OR7C1: variants seen among roughly 807,000 people sequenced by gnomAD.
OR7C1 encodes the protein olfactory receptor family 7 subfamily C member 1.
For missense variants in OR7C1, 324 were observed against 383.3 expected, an observed-to-expected ratio of 0.85 and a Z score of 1.29; for synonymous variants, 152 against 160.7, an observed-to-expected ratio of 0.95 and a Z score of 0.41.
intron 1 of OR7C1, among the ~76,000 whole-genome samples, chr19:14,834,589 G>A (rs916446341): frequency 6.6e-6 from 1 of 152,064 alleles, no homozygotes; most frequent in Non-Finnish European, 1.5e-5. Flanking sequence ...CAAAATATAC[G>A]CATTATGAAC....
intron 1 of OR7C1, chr19:14,826,793 A>C (rs1480054628): frequency 1.3e-5 from 2 of 152,814 alleles, no homozygotes; most frequent in Non-Finnish European, 2.9e-5. Flanking sequence ...TGATGTCCTA[A>C]TGAGGACAAC....
At chr19:14,800,820 C>T (rs1012380672) in intron 2 of OR7C1, 56 bp from the exon 3 acceptor site, 3 of 152,236 alleles carry the variant, frequency 2.0e-5, no homozygotes, top group African/African-American at 7.2e-5. Flanking sequence ...CTTCCCTGAG[C>T]ACTATGAAAA....
exon 4 of OR7C1, chr19:14,800,393 G>C (rs896721911): frequency 2.5e-6 from 1 of 405,398 alleles, no homozygotes; most frequent in Non-Finnish European, 4.4e-6. Context: ...TGTTGTCCAT[G>C]AACCAACAAG....
At chr19:14,831,388 G>T (rs1320945536) in intron 1 of OR7C1, among the ~76,000 whole-genome samples, 2 of 152,070 alleles carry the variant, frequency 1.3e-5, no homozygotes, top group East Asian at 3.9e-4. Context: ...AGTGGATGAA[G>T]CAGTCCCTTT....
chr19:14,834,728 C>T (rs1408789246), intron 1 of OR7C1, among the ~76,000 whole-genome samples: 1 of 152,142 alleles, frequency 6.6e-6, no homozygotes, highest in African/African-American at 2.4e-5. Context: ...GTATATCCCT[C>T]CACAGCCAAT....
intron 1 of OR7C1, among the ~76,000 whole-genome samples, chr19:14,819,889 ATTTAT>A (rs2044732973): frequency 6.6e-6 from 1 of 151,954 alleles, no homozygotes; most frequent in Admixed American, 6.6e-5. Flanking sequence ...TTCTTTGATC[ATTTAT>A]TTTATTTTTA....
chr19:14,805,604 C>T (rs2044663017), intron 2 of OR7C1, among the ~76,000 whole-genome samples: 1 of 151,354 alleles, frequency 6.6e-6, no homozygotes, highest in Non-Finnish European at 1.5e-5. Flanking sequence ...TTAGTAGAGA[C>T]AGAGTTTTGC....
At chr19:14,799,276 G>C in exon 5 of OR7C1, 5 of 1,614,122 alleles carry the variant, frequency 3.1e-6, no homozygotes, top group Non-Finnish European at 4.2e-6. Context: ...TGTAGATGAA[G>C]GGGTTCAGCA....
At chr19:14,815,127 C>A (rs1375072793) in intron 1 of OR7C1, among the ~76,000 whole-genome samples, 1 of 152,194 alleles carries the variant, frequency 6.6e-6, no homozygotes, top group Admixed American at 6.5e-5. Context: ...TGACCCCCAG[C>A]CCCTATTCCA....
chr19:14,814,352 A>G (rs1203767984), intron 1 of OR7C1, among the ~76,000 whole-genome samples: 1 of 152,192 alleles, frequency 6.6e-6, no homozygotes, highest in Admixed American at 6.5e-5. Context: ...ATATCCTGAT[A>G]TTAAAAAATG....
intron 2 of OR7C1, among the ~76,000 whole-genome samples, chr19:14,806,286 T>C (rs569310777): frequency 3.3e-4 from 50 of 152,140 alleles, no homozygotes; most frequent in Non-Finnish European, 5.4e-4. Context: ...GGGAATTGGC[T>C]GGAAACATTG....
chr19:14,806,789 G>A (rs1482633387), intron 2 of OR7C1, among the ~76,000 whole-genome samples: 2 of 151,952 alleles, frequency 1.3e-5, no homozygotes, highest in Admixed American at 1.3e-4. Flanking sequence ...TATCATCGAT[G>A]GGCATTTGGG....
intron 1 of OR7C1, among the ~76,000 whole-genome samples, chr19:14,811,369 C>G (rs1313747987): frequency 6.6e-6 from 1 of 151,854 alleles, no homozygotes; most frequent in African/African-American, 2.4e-5. Flanking sequence ...TCATTTCAAT[C>G]TCCTCTGTCT....
At chr19:14,815,804 TGTGTGTGTGTGTCTGTGTCTGG>T (rs911204278) in intron 1 of OR7C1, among the ~76,000 whole-genome samples, 1 of 151,622 alleles carries the variant, frequency 6.6e-6, no homozygotes, top group Non-Finnish European at 1.5e-5. Flanking sequence ...TGTGTGTGTG[TGTGTGTGTGTGTCTGTGTCTGG>T]GTGTGTGTGT....
At chr19:14,815,021 C>A (rs781288937) in intron 1 of OR7C1, among the ~76,000 whole-genome samples, 2 of 152,166 alleles carry the variant, frequency 1.3e-5, no homozygotes, top group Admixed American at 1.3e-4. Flanking sequence ...TATGTTCTAC[C>A]TGCCAAATGG....
At chr19:14,830,741 G>C (rs936691918) in intron 1 of OR7C1, among the ~76,000 whole-genome samples, 4 of 152,122 alleles carry the variant, frequency 2.6e-5, no homozygotes. Context: ...TCCTAATTAG[G>C]GAAATGGAGT....
chr19:14,816,915 G>A (rs2044718763), intron 1 of OR7C1, among the ~76,000 whole-genome samples: 2 of 152,130 alleles, frequency 1.3e-5, no homozygotes, highest in Non-Finnish European at 2.9e-5. Flanking sequence ...CAGAGAATGA[G>A]CAGGAAAAAT....
At chr19:14,828,368 G>T (rs922817074) in intron 1 of OR7C1, 20 of 1,114,816 alleles carry the variant, frequency 1.8e-5, no homozygotes, top group Non-Finnish European at 2.5e-5. Flanking sequence ...TTTTGTGTAT[G>T]AATCTGGTTC....
intron 2 of OR7C1, among the ~76,000 whole-genome samples, chr19:14,808,959 A>G (rs2044678455): frequency 6.6e-6 from 1 of 151,988 alleles, no homozygotes; most frequent in Admixed American, 6.6e-5. Context: ...TACTTCTGTT[A>G]CAATATTTCC....
Sources: allele counts gnomAD v4.1 joint callset (sites outside exome capture counted in the v4.1 genomes callset), GRCh38; gene constraint gnomAD v4.1.1; transcripts MANE v1.5; gene names NCBI Gene and HGNC (gene_info 2026-07-23, HGNC 2026-07-21).